Variants in THSD4 observed in about 807,000 individuals in gnomAD.
THSD4 encodes the protein thrombospondin type-1 domain-containing protein 4.
In THSD4, 69 loss-of-function variants were observed where a neutral mutation model predicts 119.0. The observed-to-expected ratio is 0.58, with a 90% CI of 0.48 to 0.71. The LOEUF is 0.71. THSD4 is among the 30% of genes least tolerant of loss of function. The probability of loss-of-function intolerance (pLI) is 0.00; values close to 1 mark genes in which losing one functional copy is unlikely to be tolerated. For missense variants in THSD4, 1,393 were observed against 1,391.1 expected, an observed-to-expected ratio of 1.00 and a Z score of -0.02; for synonymous variants, 524 against 540.4, an observed-to-expected ratio of 0.97 and a Z score of 0.42.
intron 7 of THSD4, among the ~76,000 whole-genome samples, chr15:71,582,154 T>A (rs1211818501): frequency 1.3e-5 from 2 of 152,134 alleles, no homozygotes; most frequent in Non-Finnish European, 2.9e-5. Flanking sequence ...TATTTATTTG[T>A]CTTCTTCACT....
chr15:71,547,611 T>C, intron 7 of THSD4: 1 of 1,072,052 alleles, frequency 9.3e-7, no homozygotes, highest in Non-Finnish European at 1.3e-6. Flanking sequence ...ATATTACTTT[T>C]GTAGGCTTCT....
intron 6 of THSD4, among the ~76,000 whole-genome samples, chr15:71,317,470 C>G (rs1008123426): frequency 6.6e-6 from 1 of 152,122 alleles, no homozygotes; most frequent in Non-Finnish European, 1.5e-5. Context: ...CAGGGGAACT[C>G]CCCTTTTATA....
intron 7 of THSD4, among the ~76,000 whole-genome samples, chr15:71,479,690 T>G (rs2047701555): frequency 1.3e-5 from 2 of 152,206 alleles, no homozygotes; most frequent in African/African-American, 2.4e-5. Context: ...AGTTGCCAGA[T>G]TTTAAAAGTA....
chr15:71,257,303 A>G (rs1256909655), intron 6 of THSD4, among the ~76,000 whole-genome samples: 1 of 152,140 alleles, frequency 6.6e-6, no homozygotes, highest in Admixed American at 6.5e-5. Context: ...TGAAATCCAG[A>G]TGATAACATG....
intron 6 of THSD4, among the ~76,000 whole-genome samples, chr15:71,362,296 GTGGC>G (rs1466302377): frequency 6.6e-6 from 1 of 152,142 alleles, no homozygotes; most frequent in Non-Finnish European, 1.5e-5. Context: ...ATTATAATGA[GTGGC>G]TGGGGTACAG....
chr15:71,712,664 C>T (rs993612160), intron 8 of THSD4, among the ~76,000 whole-genome samples: 1 of 152,134 alleles, frequency 6.6e-6, no homozygotes, highest in Non-Finnish European at 1.5e-5. Context: ...CTATTCACAG[C>T]CCTTTACCCT....
intron 17 of THSD4, among the ~76,000 whole-genome samples, chr15:71,773,683 G>A (rs920672664): frequency 6.6e-6 from 1 of 152,128 alleles, no homozygotes; most frequent in African/African-American, 2.4e-5. Context: ...CACACACTTC[G>A]GTATATCCCA....
chr15:71,696,881 C>G (rs902857682), intron 8 of THSD4, among the ~76,000 whole-genome samples: 1 of 152,136 alleles, frequency 6.6e-6, no homozygotes, highest in Non-Finnish European at 1.5e-5. Flanking sequence ...TATAGGTGAT[C>G]TAAAACCACT....
chr15:71,593,318 G>A (rs1184190041), intron 7 of THSD4, among the ~76,000 whole-genome samples: 1 of 31,356 alleles, frequency 3.2e-5, no homozygotes, highest in African/African-American at 6.1e-5. Context: ...CAGCTACTTG[G>A]GAGGCTGAGG....
intron 7 of THSD4, among the ~76,000 whole-genome samples, chr15:71,613,271 A>G (rs908013334): frequency 6.6e-6 from 1 of 152,200 alleles, no homozygotes; most frequent in African/African-American, 2.4e-5. Flanking sequence ...GCTCGCTGGC[A>G]TAGTAAAGCC....
intron 7 of THSD4, among the ~76,000 whole-genome samples, chr15:71,622,172 G>A (rs980695197): frequency 1.3e-5 from 2 of 152,074 alleles, no homozygotes; most frequent in African/African-American, 2.4e-5. Flanking sequence ...TAGAAATCTC[G>A]ATTTATCACA....
intron 3 of THSD4, among the ~76,000 whole-genome samples, chr15:71,173,675 A>C (rs796983300): frequency 7.5e-4 from 114 of 151,826 alleles, no homozygotes; most frequent in African/African-American, 2.5e-3. Context: ...AGCCATTCTG[A>C]AATTTATATG....
At chr15:71,256,769 C>A in intron 6 of THSD4, 54 bp downstream of exon 6, 2 of 1,511,102 alleles carry the variant, frequency 1.3e-6, no homozygotes, top group Non-Finnish European at 1.8e-6. Flanking sequence ...GTTTTCCATT[C>A]TTGTTGACTT....
chr15:71,417,306 GCCCA>G (rs1247801562), intron 7 of THSD4, among the ~76,000 whole-genome samples: 1 of 107,560 alleles, frequency 9.3e-6, no homozygotes, highest in East Asian at 3.1e-4. Flanking sequence ...AGAAATCTCT[GCCCA>G]GTCCTATGTC....
At chr15:71,141,830 G>A (rs2040607860) in intron 2 of THSD4, among the ~76,000 whole-genome samples, 1 of 152,174 alleles carries the variant, frequency 6.6e-6, no homozygotes, top group South Asian at 2.1e-4. Flanking sequence ...TAGGCCGGAT[G>A]CAGTGGCTTA....
chr15:71,745,695 A>C (rs562788443), intron 12 of THSD4, among the ~76,000 whole-genome samples: 2 of 152,244 alleles, frequency 1.3e-5, no homozygotes, highest in African/African-American at 4.8e-5. Context: ...TCTGTTGCCC[A>C]GGCCAGATTG....
chr15:71,166,943 G>A (rs2043299907), intron 3 of THSD4: 1 of 152,122 alleles, frequency 6.6e-6, no homozygotes, highest in Admixed American at 6.6e-5. Context: ...ATCATGTGGA[G>A]ATTACTTTAT....
Position 71,748,486 on chromosome 15 carries a change from T to A in THSD4, c.2307T>A (p.Asp769Glu), listed in dbSNP as rs1237230277. ...RDVKCVSNIG[D>E]VVDDEECNMK... ...TGAAGTGTGTGAGCAACATTGGGGA[T>A]GTGGTTGACGATGAGGAATGCAACA... Residue 769 changes from aspartate (D) to glutamate (E), a missense_variant, in exon 14 of 18, where the codon GAT (aspartate) becomes GAA (glutamate). By Grantham distance (45) the Asp-to-Glu change is conservative (BLOSUM62 2). Coordinates refer to ENST00000261862, the MANE Select transcript of THSD4 (RefSeq NM_024817.3). 6.2e-7 allele frequency: 1 copy of A among 1,614,058 alleles called. No individual in the cohort carries two copies. Among genetic ancestry groups the A allele is most frequent in the East Asian group, 2.2e-5 (1 of 44,896 alleles).
intron 7 of THSD4, among the ~76,000 whole-genome samples, chr15:71,638,836 A>T (rs898564873): frequency 6.6e-6 from 1 of 152,224 alleles, no homozygotes; most frequent in Non-Finnish European, 1.5e-5. Flanking sequence ...ACAAAATATC[A>T]GTGGCTTAAT....
Sources: gnomAD v4.1 joint callset for allele counts (sites outside exome capture counted in the v4.1 genomes callset) on GRCh38, gnomAD v4.1.1 for gene constraint, MANE v1.5 for transcripts, NCBI Gene and HGNC (gene_info 2026-07-23, HGNC 2026-07-21) for gene names.